DNAH5: variants seen among roughly 807,000 people sequenced by gnomAD.
DNAH5 encodes the protein dynein axonemal heavy chain 5, also known as axonemal beta dynein heavy chain 5.
A neutral mutation model predicts 518.2 loss-of-function variants in DNAH5; 372 were observed. That is an observed-to-expected ratio of 0.72 (90% CI 0.66 to 0.78). DNAH5 has a LOEUF of 0.78. Ranked by LOEUF, DNAH5 falls within the 30% of genes least tolerant of loss-of-function variation. The probability of loss-of-function intolerance (pLI) is 0.00; values close to 1 mark genes in which losing one functional copy is unlikely to be tolerated. For missense variants in DNAH5, 5,523 were observed against 5,687.0 expected (o/e 0.97, Z 0.93); for synonymous variants, 2,039 against 2,025.9 (o/e 1.01, Z -0.17).
At position 13,882,712 on chromosome 5, in the gene DNAH5, C is replaced by T; in HGVS notation, c.3262+16G>A. On this transcript the variant is annotated intron_variant, in intron 21 of 78. Coordinates refer to ENST00000265104, the MANE Select transcript of DNAH5 (RefSeq NM_001369.3). ...GATTTACAATGCCTCTTTTAAAAGACTAAAAGAACATTTACCTTGAAGTTC... is the reference window on the plus strand; with the variant it reads ...GATTTACAATGCCTCTTTTAAAAGATTAAAAGAACATTTACCTTGAAGTTC... 6.3e-7 allele frequency: 1 copy of T among 1,584,626 alleles called. No homozygotes were observed. The highest frequency in any genetic ancestry group is 8.7e-7 in the Non-Finnish European group (1 of 1,153,784).
chr5:13,766,020 A>G lies in DNAH5; in HGVS notation c.10057T>C (p.Ser3353Pro). 6.2e-7 allele frequency: 1 copy of G among 1,614,180 alleles called. No homozygotes were observed. Among genetic ancestry groups the G allele is most frequent in the East Asian group, 2.2e-5 (1 of 44,884 alleles). The change falls in exon 59 of 79, where the codon TCC becomes CCC. Residue 3353 changes from serine to proline, a missense_variant. Around this residue, in one of 3 missense-constraint regions of DNAH5, gnomAD observed 5,121 missense variants for 5,223.3 expected, o/e 0.98. Transcript: ENST00000265104. ...KSCTMPSWQESLKLMTAGNFL... is the reference protein window; with the variant it reads ...KSCTMPSWQEPLKLMTAGNFL... ...TTCCCTGCAGTCATCAATTTTAAGG[A>G]TTCCTGCCAGGAGGGCATGGTACAG... is the stretch of plus-strand genomic sequence containing the variant.
intron 78 of DNAH5, among the ~76,000 whole-genome samples, chr5:13,695,795 T>C (rs562205295): frequency 6.6e-6 from 1 of 152,242 alleles, no homozygotes; most frequent in Admixed American, 6.5e-5. Context: ...GACACTTCTT[T>C]ATCTCTCAGT....
At chr5:13,899,944 C>G in intron 15 of DNAH5, 1 of 478,380 alleles carries the variant, frequency 2.1e-6, no homozygotes, top group South Asian at 2.7e-5. Context: ...AAAAAGAGAT[C>G]GTGCCTTTTT....
Position 13,901,562 on chromosome 5 carries a change from G to A in DNAH5, c.1742C>T (p.Pro581Leu). The change falls in exon 14 of 79, where the codon CCT (proline) becomes CTT (leucine). Residue 581 changes from proline (P) to leucine (L), a missense_variant. Physicochemically the swap from Pro to Leu is moderately conservative, Grantham distance 98 (BLOSUM62 -3). Around this residue, in one of 3 missense-constraint regions of DNAH5, gnomAD observed 5,121 missense variants for 5,223.3 expected, o/e 0.98. Coordinates refer to ENST00000265104, the MANE Select transcript of DNAH5 (RefSeq NM_001369.3). ...ATATTTGTCATCAATACCAAGATTA[G>A]GTATATTCAATCTGATTTTTTTAAA... ...MLKKFERLNIPNLGIDDKYQL... is the reference protein window; with the variant it reads ...MLKKFERLNILNLGIDDKYQL... 5 of 1,608,620 alleles carry A rather than the reference G, an allele frequency of 3.1e-6. No homozygotes were observed.
Position 13,920,521 on chromosome 5 carries a change from T to C in DNAH5, c.757A>G (p.Ile253Val), listed in dbSNP as rs1580893400. The C allele has an allele frequency of 6.2e-7, 1 of 1,614,176 alleles. No homozygotes were observed. ...ATCCATACTTTCATGCAATCCTCTA[T>C]TTTTCCCAAAGTCTCAGGGTTATTT... ...LANNPETLGKIEDCMKVWIKQ... is the reference protein window; with the variant it reads ...LANNPETLGKVEDCMKVWIKQ... The change falls in exon 6 of 79, where the codon ATA (isoleucine) becomes GTA (valine). Residue 253 changes from isoleucine (I) to valine (V), a missense_variant. Physicochemically the swap from Ile to Val is conservative, Grantham distance 29. Around this residue, in one of 3 missense-constraint regions of DNAH5, gnomAD observed 5,121 missense variants for 5,223.3 expected, o/e 0.98. Coordinates refer to ENST00000265104, the MANE Select transcript of DNAH5 (RefSeq NM_001369.3).
At chr5:13,708,702 T>C (rs1470663363) in intron 75 of DNAH5, among the ~76,000 whole-genome samples, 1 of 151,952 alleles carries the variant, frequency 6.6e-6, no homozygotes, top group Admixed American at 6.6e-5. Context: ...AGCAAACATG[T>C]ACACACACAC....
At chr5:13,789,147 A>G (rs1004486551) in intron 50 of DNAH5, among the ~76,000 whole-genome samples, 1 of 152,212 alleles carries the variant, frequency 6.6e-6, no homozygotes, top group African/African-American at 2.4e-5. Context: ...TCCTCCAACA[A>G]TAATATTGAA....
rs1745890035 is a variant in DNAH5 at position 13,727,370 on chromosome 5, C to T, written c.12033+137G>A. 21 of 828,574 alleles carry T rather than the reference C, an allele frequency of 2.5e-5. No homozygotes were observed. In the South Asian group the frequency reaches 3.6e-4, roughly 14 times the overall value. The allele number at this position is 828,574 out of a possible 1,614,324, so 51.3% of individuals were successfully genotyped here. ...TTTGTTTACTTTTCCATTTTTCACA[C>T]ATATTGCTAGAAAATCACACAGAGG... is the stretch of plus-strand genomic sequence containing the variant. On this transcript the variant is annotated intron_variant, in intron 70 of 78. Transcript: ENST00000265104.
At chr5:13,995,679 A>G (rs1783884362) in intron 1 of DNAH5, among the ~76,000 whole-genome samples, 1 of 152,248 alleles carries the variant, frequency 6.6e-6, no homozygotes, top group African/African-American at 2.4e-5. Context: ...AAAGACTTCC[A>G]TATCAAATAT....
chr5:13,698,777 C>G (rs995955367), intron 78 of DNAH5, among the ~76,000 whole-genome samples: 1 of 152,206 alleles, frequency 6.6e-6, no homozygotes, highest in Admixed American at 6.5e-5. Flanking sequence ...AAAGCTGGAA[C>G]AAGAAGGCAC....
intron 15 of DNAH5, chr5:13,898,840 T>C (rs1271842799): frequency 2.6e-6 from 1 of 382,716 alleles, no homozygotes; most frequent in African/African-American, 2.1e-5. Context: ...TGATCTCACC[T>C]TCTTCATCCC....
chr5:13,769,182 C>A, intron 57 of DNAH5, 46 bp from the exon 58 acceptor site: 1 of 1,592,746 alleles, frequency 6.3e-7, no homozygotes, highest in Non-Finnish European at 8.6e-7. Context: ...CAGTATTAAA[C>A]ATCCAGCTGA....
chr5:13,885,796 GA>G (rs775800141), intron 18 of DNAH5, among the ~76,000 whole-genome samples, 167 bp downstream of exon 18: 7 of 152,162 alleles, frequency 4.6e-5, no homozygotes, highest in Non-Finnish European at 1.0e-4. Flanking sequence ...TAACAACATA[GA>G]GTCACTAAAA....
chr5:13,912,828 C>T (rs1463523042), intron 11 of DNAH5, among the ~76,000 whole-genome samples: 2 of 151,868 alleles, frequency 1.3e-5, no homozygotes, highest in Admixed American at 6.5e-5. Context: ...AATGATTAAT[C>T]GTGACCTTTA....
At chr5:13,875,775 G>C (rs1770805983) in intron 22 of DNAH5, among the ~76,000 whole-genome samples, 1 of 152,070 alleles carries the variant, frequency 6.6e-6, no homozygotes, top group Non-Finnish European at 1.5e-5. Flanking sequence ...TTAAATACAG[G>C]ACCTTCAATA....
rs917594297 is a variant in DNAH5 at position 13,809,715 on chromosome 5, A to G, written c.7609+344T>C. Among the ~76,000 whole-genome samples the G allele has an allele frequency of 3.5e-4, 53 of 152,216 alleles. 1 individual carries two copies. The highest frequency in any genetic ancestry group is 7.3e-5 in the Non-Finnish European group (5 of 68,034). On this transcript the variant is annotated intron_variant, in intron 45 of 78. Coordinates refer to ENST00000265104, the MANE Select transcript of DNAH5 (RefSeq NM_001369.3). Reference sequence around the variant, plus strand: ...TAAAGATATACAGCTATAGATACACACGTATTTGGCAAAAATATACTTTAA... The same window carrying G: ...TAAAGATATACAGCTATAGATACACGCGTATTTGGCAAAAATATACTTTAA...
chr5:13,764,714 C>T (rs1240512830), intron 59 of DNAH5, among the ~76,000 whole-genome samples: 1 of 152,102 alleles, frequency 6.6e-6, no homozygotes, highest in Non-Finnish European at 1.5e-5. Flanking sequence ...AACAGGAATG[C>T]ATACCTAGAG....
upstream of DNAH5, among the ~76,000 whole-genome samples, chr5:13,948,206 T>C (rs755370220): frequency 6.6e-6 from 1 of 152,240 alleles, no homozygotes; most frequent in Non-Finnish European, 1.5e-5. Flanking sequence ...AGGATGTTAG[T>C]AGATTGGAAG....
chr5:13,837,755 T>C (rs1414472665), intron 35 of DNAH5, among the ~76,000 whole-genome samples: 3 of 140,428 alleles, frequency 2.1e-5, no homozygotes, highest in Non-Finnish European at 4.5e-5. Context: ...CAGGCTGGAG[T>C]GCGGTGGCAT....
Sources: allele counts gnomAD v4.1 joint callset (sites outside exome capture counted in the v4.1 genomes callset), GRCh38; gene constraint gnomAD v4.1.1; regional missense constraint gnomAD v4.1.1; transcripts MANE v1.5; gene names NCBI Gene and HGNC (gene_info 2026-07-23, HGNC 2026-07-21).